DMXL1: variants seen among roughly 807,000 people sequenced by gnomAD.
DMXL1 encodes Dmx like 1.
In DMXL1, 99 loss-of-function variants were observed where a neutral mutation model predicts 319.2. The observed-to-expected ratio is 0.31, with a 90% CI of 0.26 to 0.37. The LOEUF is 0.37. DMXL1 is among the 10% of genes least tolerant of loss of function. The probability of loss-of-function intolerance (pLI) is 1.00; values close to 1 mark genes in which losing one functional copy is unlikely to be tolerated. For synonymous variants in DMXL1, 1,385 were observed against 1,235.2 expected, an observed-to-expected ratio of 1.12 and a Z score of -2.54; for missense variants, 3,745 against 3,595.6, an observed-to-expected ratio of 1.04 and a Z score of -1.06.
chr5:119,104,707 AAAG>A (rs951723165), intron 3 of DMXL1, among the ~76,000 whole-genome samples: 2 of 152,230 alleles, frequency 1.3e-5, no homozygotes, highest in African/African-American at 4.8e-5. Flanking sequence ...AGGCAGAAAA[AAAG>A]GGAAAAATTT....
intron 9 of DMXL1, among the ~76,000 whole-genome samples, chr5:119,124,254 G>A (rs549126209): frequency 6.6e-6 from 1 of 151,086 alleles, no homozygotes; most frequent in African/African-American, 2.4e-5. Context: ...GGCAGAGGTT[G>A]TAGTGAGCCG....
chr5:119,235,763 G>A (rs1052437170), intron 39 of DMXL1, among the ~76,000 whole-genome samples: 14 of 152,058 alleles, frequency 9.2e-5, no homozygotes, highest in East Asian at 5.8e-4. Context: ...ACTAAATGTC[G>A]TTGGCCTGTC....
At chr5:119,158,962 G>T (rs978715042) in intron 19 of DMXL1, among the ~76,000 whole-genome samples, 1 of 151,974 alleles carries the variant, frequency 6.6e-6, no homozygotes, top group Non-Finnish European at 1.5e-5. Flanking sequence ...ATTTTGCCTG[G>T]CATTGGCATA....
intron 4 of DMXL1, among the ~76,000 whole-genome samples, chr5:119,106,495 A>G (rs1758378698): frequency 6.6e-6 from 1 of 152,198 alleles, no homozygotes; most frequent in African/African-American, 2.4e-5. Flanking sequence ...AAGGATTAGT[A>G]TTTCACTGGG....
At chr5:119,234,602 A>AGTT (rs1250319927) in intron 39 of DMXL1, among the ~76,000 whole-genome samples, 1 of 152,174 alleles carries the variant, frequency 6.6e-6, no homozygotes, top group Non-Finnish European at 1.5e-5. Context: ...CAACATTCTT[A>AGTT]GCTCCTTAGT....
intron 38 of DMXL1, among the ~76,000 whole-genome samples, chr5:119,227,708 A>G (rs527691257): frequency 6.6e-6 from 1 of 152,210 alleles, no homozygotes; most frequent in South Asian, 2.1e-4. Context: ...ATAGTCTCCA[A>G]TATGATATAT....
At chr5:119,203,270 G>C in intron 32 of DMXL1, 49 bp from the exon 33 acceptor site, 2 of 1,211,392 alleles carry the variant, frequency 1.7e-6, no homozygotes, top group Non-Finnish European at 2.3e-6. Context: ...TATCAAGTTA[G>C]TCAGAAATTT....
chr5:119,098,548 GT>G (rs1396755841), intron 2 of DMXL1, among the ~76,000 whole-genome samples: 1 of 152,080 alleles, frequency 6.6e-6, no homozygotes, highest in African/African-American at 2.4e-5. Context: ...CTCTTTGAGA[GT>G]TTATAATATT....
Position 119,071,517 on chromosome 5 carries a change from T to G in DMXL1, c.-53T>G, listed in dbSNP as rs904466875. On this transcript the variant is annotated 5_prime_UTR_variant, in exon 1 of 44. Transcript: ENST00000539542. ...GGGAAGGAGGGAGGGAAGCAGCCGC[T>G]GACCCGTGGCATGAGCTGGATGCGG... The G allele has an allele frequency of 9.8e-6, 15 of 1,534,718 alleles. No individual in the cohort carries two copies. Among genetic ancestry groups the G allele is most frequent in the Non-Finnish European group, 1.2e-5 (14 of 1,127,694 alleles).
At chr5:119,111,161 C>T (rs967231056) in intron 5 of DMXL1, among the ~76,000 whole-genome samples, 97 of 152,146 alleles carry the variant, frequency 6.4e-4, no homozygotes, top group African/African-American at 2.3e-3. Flanking sequence ...GTCTTTCATA[C>T]CTGATACCAA....
chr5:119,161,224 G>A (rs1481809154), intron 19 of DMXL1, among the ~76,000 whole-genome samples: 3 of 152,206 alleles, frequency 2.0e-5, no homozygotes, highest in Non-Finnish European at 4.4e-5. Context: ...TCTGAGGTTG[G>A]ATGTTGCTGC....
chr5:119,139,785 T>G (rs1331951648), intron 13 of DMXL1, among the ~76,000 whole-genome samples: 1 of 152,136 alleles, frequency 6.6e-6, no homozygotes, highest in Non-Finnish European at 1.5e-5. Context: ...TCTGACAGAC[T>G]GCTGCAGAAC....
chr5:119,133,190 T>C lies in DMXL1; in HGVS notation c.1374T>C (p.Cys458=). 1.2e-6 allele frequency: 2 copies of C among 1,614,196 alleles called. No individual in the cohort carries two copies. Among genetic ancestry groups the C allele is most frequent in the South Asian group, 1.1e-5 (1 of 91,084 alleles). Residue 458 remains cysteine, a synonymous_variant, in exon 11 of 44, where the codon TGT becomes TGC. Transcript: ENST00000539542. ...ATCCCGAAAAGAAGGAATTAGGCTG[T>C]GATAAAATGGTACCAAACTCAAGTT... ...KINPEKKELG[C]DKMVPNSSFT...
At position 119,071,360 on chromosome 5, in the gene DMXL1, C is replaced by T. The variant is rs1003887773; in HGVS notation, c.-210C>T. The T allele has an allele frequency of 3.6e-6, 2 of 551,014 alleles. No homozygotes were observed. Among genetic ancestry groups the T allele is most frequent in the Admixed American group, 3.6e-5 (1 of 28,156 alleles). The allele number at this position is 551,014 out of a possible 1,614,324, so 34.1% of individuals were successfully genotyped here. A position where few individuals can be genotyped will look rare whatever the true frequency, so the allele number is the denominator to read the frequency against. ...GAAGGAGCGCGGCGCTCCGCCCTCT[C>T]GCCGACCCGCCCCCTCCGGGCCTCG... On this transcript the variant is annotated 5_prime_UTR_variant, in exon 1 of 44. Transcript: ENST00000539542.
chr5:119,133,726 C>A lies in DMXL1; in HGVS notation c.1802C>A (p.Ser601Ter). ...SIFTPNVMMISKHADGSLNQW... is the reference protein window; with the variant it reads ...SIFTPNVMMI Reference sequence around the variant, plus strand: ...TTTACGCCTAATGTTATGATGATATCAAAACATGCTGATGGTTCTCTGAAT... The same window carrying A: ...TTTACGCCTAATGTTATGATGATATAAAAACATGCTGATGGTTCTCTGAAT... The change falls in exon 12 of 44, where the codon TCA becomes TAA. Residue 601 changes from serine (S) to a stop codon, truncating the protein, a stop_gained. Transcript: ENST00000539542. LOFTEE classifies it high-confidence loss of function. 6.2e-7 allele frequency: 1 copy of A among 1,614,164 alleles called. No homozygotes were observed. The highest frequency in any genetic ancestry group is 2.2e-5 in the East Asian group (1 of 44,882).
chr5:119,201,347 C>A (rs1780676139), intron 32 of DMXL1, among the ~76,000 whole-genome samples: 2 of 152,038 alleles, frequency 1.3e-5, no homozygotes, highest in African/African-American at 4.8e-5. Context: ...GTCTTTAGTT[C>A]TGTTTATGTG....
At chr5:119,139,346 T>TA (rs1472130504) in intron 13 of DMXL1, among the ~76,000 whole-genome samples, 13 of 152,170 alleles carry the variant, frequency 8.5e-5, no homozygotes, top group African/African-American at 2.4e-4. Context: ...ACACTGGATT[T>TA]AAAAAAACAA....
intron 6 of DMXL1, 101 bp from the exon 7 acceptor site, chr5:119,116,057 C>T (rs1003746483): frequency 9.0e-7 from 1 of 1,109,746 alleles, no homozygotes; most frequent in South Asian, 1.7e-5. Context: ...CTTCCCATCC[C>T]CAAGTTCTTG....
In DMXL1 at chr5:119,128,330, A is replaced by G. The variant is rs539590965; in HGVS notation, c.1103-881A>G. 1.8e-5 allele frequency: 5 copies of G among 284,824 alleles called. No homozygotes were observed. In the South Asian group the frequency reaches 2.0e-4, roughly 11 times the overall value. 17.6% of individuals were successfully genotyped at this position (284,824 alleles called of 1,614,324 possible). A position where few individuals can be genotyped will look rare whatever the true frequency, so the allele number is the denominator to read the frequency against. On this transcript the variant is annotated intron_variant, in intron 9 of 43. Coordinates refer to ENST00000539542, the MANE Select transcript of DMXL1 (RefSeq NM_001290321.3). The stretch of plus-strand genomic sequence containing the variant: ...AACCCTCTCTTCACTGATTTTCTGG[A>G]TATTTGATTTGGGAGACTGGAAAAT...
Sources: gnomAD v4.1 joint callset for allele counts (sites outside exome capture counted in the v4.1 genomes callset) on GRCh38, gnomAD v4.1.1 for gene constraint, MANE v1.5 for transcripts, NCBI Gene and HGNC (gene_info 2026-07-23, HGNC 2026-07-21) for gene names.